Variants in LZTS2 observed in about 807,000 individuals in gnomAD.
LZTS2 encodes leucine zipper tumor suppressor 2.
In LZTS2, 32 loss-of-function variants were observed where a neutral mutation model predicts 60.6. The observed-to-expected ratio is 0.53, with a 90% CI of 0.40 to 0.71. The LOEUF (loss-of-function observed/expected upper bound fraction) is 0.71. Ranked by LOEUF, LZTS2 falls within the 30% of genes least tolerant of loss-of-function variation. The probability of loss-of-function intolerance (pLI) is 0.00; values close to 1 mark genes in which losing one functional copy is unlikely to be tolerated. For synonymous variants in LZTS2, 360 were observed against 393.1 expected, an observed-to-expected ratio of 0.92 and a Z score of 1.00; for missense variants, 792 against 901.9, an observed-to-expected ratio of 0.88 and a Z score of 1.56.
upstream of LZTS2, chr10:100,997,291 C>T (rs1029353426): frequency 1.3e-5 from 2 of 152,246 alleles, no homozygotes; most frequent in Non-Finnish European, 2.9e-5. Context: ...ATCCCCGCTC[C>T]TGAACGAACT....
chr10:100,997,902 T>TG (rs954769425), upstream of LZTS2, among the ~76,000 whole-genome samples: 25 of 152,236 alleles, frequency 1.6e-4, no homozygotes, highest in African/African-American at 5.5e-4. Flanking sequence ...TGGGCAGGGC[T>TG]GGGGTTAACT....
At chr10:101,006,647 G>A in exon 4 of LZTS2, 3 of 1,587,350 alleles carry the variant, frequency 1.9e-6, no homozygotes, top group Non-Finnish European at 2.6e-6. Context: ...GGGTCTACAG[G>A]AGGCCGCCCG....
chr10:101,006,774 A>T, exon 4 of LZTS2: 1 of 1,561,150 alleles, frequency 6.4e-7, no homozygotes, highest in Non-Finnish European at 8.7e-7. Context: ...GGACTCCGGG[A>T]GCCCCCTGTG....
exon 4 of LZTS2, chr10:101,006,561 G>A: frequency 6.2e-7 from 1 of 1,611,448 alleles, no homozygotes; most frequent in Non-Finnish European, 8.5e-7. Flanking sequence ...GTGCAGAAGG[G>A]CAGCGAGCTG....
exon 4 of LZTS2, chr10:101,006,601 C>T (rs755244726): frequency 4.4e-6 from 7 of 1,606,026 alleles, no homozygotes; most frequent in Non-Finnish European, 5.9e-6. Context: ...TGCGGGAGGC[C>T]CGTGCTACGC....
exon 4 of LZTS2, chr10:101,006,714 A>G (rs1430226637): frequency 6.2e-7 from 1 of 1,602,698 alleles, no homozygotes; most frequent in Non-Finnish European, 8.5e-7. Flanking sequence ...CACCGCCAGG[A>G]AGCTGAGCAG....
At chr10:101,005,525 AGGCACAGCG>A (rs757451557) in exon 3 of LZTS2, 3 of 1,605,328 alleles carry the variant, frequency 1.9e-6, no homozygotes, top group African/African-American at 1.3e-5. Context: ...TGTGCGGCCC[AGGCACAGCG>A]GGCACAGCGG....
rs1384171161 is a variant in LZTS2 at position 101,007,566 on chromosome 10, T to C, written c.*398T>C. ...GAGAAAGCCAGATGGCACCAGCTGCTCCGGATGTGCCTGCCCACATTGGGG... is the reference window on the plus strand; with the variant it reads ...GAGAAAGCCAGATGGCACCAGCTGCCCCGGATGTGCCTGCCCACATTGGGG... On this transcript the variant is annotated 3_prime_UTR_variant, in exon 4 of 4. Coordinates refer to ENST00000370220, the Ensembl canonical transcript of LZTS2. The C allele has an allele frequency of 2.3e-6, 3 of 1,304,348 alleles. No individual in the cohort carries two copies. In the South Asian group the frequency reaches 3.7e-5, roughly 16 times the overall value. The allele number at this position is 1,304,348 out of a possible 1,614,324, so 80.8% of individuals were successfully genotyped here. A position where few individuals can be genotyped will look rare whatever the true frequency, so the allele number is the denominator to read the frequency against.
At chr10:101,007,540 A>G in exon 4 of LZTS2, 2 of 1,321,022 alleles carry the variant, frequency 1.5e-6, no homozygotes, top group South Asian at 2.5e-5. Context: ...CCCCAAAGCC[A>G]GAGAAAGCCA....
At chr10:101,004,236 T>C in intron 2 of LZTS2, 70 bp downstream of exon 3, 1 of 1,504,828 alleles carries the variant, frequency 6.6e-7, no homozygotes, top group Non-Finnish European at 8.9e-7. Context: ...GCAAGCGGCA[T>C]TTCCATTTTG....
exon 1 of LZTS2, chr10:101,000,305 G>A (rs1185041318): frequency 6.6e-6 from 1 of 152,262 alleles, no homozygotes; most frequent in African/African-American, 2.4e-5. Context: ...GAGAATGAGG[G>A]GTTCCCATCT....
intron 3 of LZTS2, 120 bp downstream of exon 4, chr10:101,005,835 C>CGGAG: frequency 3.1e-6 from 4 of 1,292,174 alleles, no homozygotes; most frequent in Non-Finnish European, 4.1e-6. Context: ...TTCTCACCTC[C>CGGAG]GTGAGATGAG....
At chr10:101,006,002 C>T (rs901254122) in intron 3 of LZTS2, among the ~76,000 whole-genome samples, 7 of 152,224 alleles carry the variant, frequency 4.6e-5, no homozygotes, top group Non-Finnish European at 7.3e-5. Flanking sequence ...ATCCTTATAA[C>T]AACACTGAGG....
At chr10:101,003,424 C>G in intron 1 of LZTS2, 83 bp from the exon 3 acceptor site, 1 of 1,426,372 alleles carries the variant, frequency 7.0e-7, no homozygotes, top group South Asian at 1.5e-5. Flanking sequence ...ACTGGGGACC[C>G]AAGACGGGAG....
intron 3 of LZTS2, 129 bp downstream of exon 4, chr10:101,005,844 A>AGAAAG: frequency 1.6e-6 from 2 of 1,255,482 alleles, no homozygotes; most frequent in Non-Finnish European, 2.1e-6. Flanking sequence ...CCGTGAGATG[A>AGAAAG]GGTTCCCCTC....
chr10:101,004,005 G>C, exon 2 of LZTS2: 1 of 1,613,092 alleles, frequency 6.2e-7, no homozygotes. Flanking sequence ...GGCCTCCCCT[G>C]ACAGCAGCTC....
Position 101,003,100 on chromosome 10 carries a change from C to T in LZTS2, c.408+154C>T. On this transcript the variant is annotated intron_variant, in intron 1 of 3. Coordinates refer to ENST00000370220, the Ensembl canonical transcript of LZTS2. The stretch of plus-strand genomic sequence containing the variant: ...GCTCTCTCTCATTCTGGATGTGTGA[C>T]CTCAGGGAAGTCACTTAACCTGAGC... 6.0e-6 allele frequency: 6 copies of T among 1,002,310 alleles called. No homozygotes were observed. The South Asian group carries it at 1.1e-4, about 18-fold the overall frequency. 62.1% of individuals were successfully genotyped at this position (1,002,310 alleles called of 1,614,324 possible).
intron 3 of LZTS2, among the ~76,000 whole-genome samples, chr10:101,006,006 A>G (rs765709236): frequency 6.6e-6 from 1 of 152,178 alleles, no homozygotes; most frequent in African/African-American, 2.4e-5. Flanking sequence ...TTATAACAAC[A>G]CTGAGGGGGC....
rs1267850484 is a variant in LZTS2, at chr10:101,002,623, G to A, written c.85G>A (p.Val29Met). ...CCCACAAGCTCCAGTCATGGGTAGT[G>A]TGAGCAGCCTTATCTCAGGCCGGCC... Residue 29 changes from valine to methionine, a missense_variant, in exon 1 of 4, where the codon GTG becomes ATG. By Grantham distance (21) the Val-to-Met change is conservative. Transcript: ENST00000370220. 34 of 1,597,572 alleles carry A rather than the reference G, an allele frequency of 2.1e-5. No homozygotes were observed. The highest frequency in any genetic ancestry group is 2.9e-5 in the Non-Finnish European group (34 of 1,170,626).
Sources: gnomAD v4.1 joint callset for allele counts (sites outside exome capture counted in the v4.1 genomes callset) on GRCh38, gnomAD v4.1.1 for gene constraint, MANE v1.5 for transcripts, NCBI Gene and HGNC (gene_info 2026-07-23, HGNC 2026-07-21) for gene names.